The following MED13L variants were observed in gnomAD, a reference collection of about 807,000 sequenced individuals.
MED13L encodes the protein mediator of RNA polymerase II transcription subunit 13-like.
A neutral mutation model predicts 220.9 loss-of-function variants in MED13L; 7 were observed. The ratio of observed to expected loss-of-function variants is 0.03; its 90% CI spans 0.02 to 0.06. MED13L has a LOEUF of 0.06. Among genes scored for constraint, MED13L ranks in the 10% least tolerant of loss-of-function variants. The probability of loss-of-function intolerance (pLI) is 1.00; values close to 1 mark genes in which losing one functional copy is unlikely to be tolerated. For synonymous variants in MED13L, 1,011 were observed against 1,015.2 expected, an observed-to-expected ratio of 1.00 and a Z score of 0.08; for missense variants, 1,965 against 2,760.5, an observed-to-expected ratio of 0.71 and a Z score of 6.46.
intron 27 of MED13L, among the ~76,000 whole-genome samples, chr12:115,970,001 A>T (rs557007508): frequency 1.3e-5 from 2 of 152,296 alleles, no homozygotes; most frequent in African/African-American, 4.8e-5. Context: ...TTGTAATCAT[A>T]CCAGATATAA....
chr12:116,204,199 A>G (rs1593162273), intron 2 of MED13L, among the ~76,000 whole-genome samples: 1 of 152,188 alleles, frequency 6.6e-6, no homozygotes, highest in African/African-American at 2.4e-5. Flanking sequence ...TTTGAGAGAG[A>G]ACAAAATTCT....
intron 1 of MED13L, among the ~76,000 whole-genome samples, chr12:116,253,751 T>C (rs936747818): frequency 1.7e-4 from 25 of 145,008 alleles, no homozygotes; most frequent in Non-Finnish European, 2.8e-4. Flanking sequence ...ACGGTTTTTT[T>C]TGTTTTTTTT....
At position 115,987,221 on chromosome 12, in the gene MED13L, G is replaced by C. The variant is rs772069193; in HGVS notation, c.4002C>G (p.Leu1334=). 1.5e-5 allele frequency: 24 copies of C among 1,614,090 alleles called. No homozygotes were observed. Among genetic ancestry groups the C allele is most frequent in the Non-Finnish European group, 2.0e-5 (24 of 1,180,018 alleles). ...VRMLLSLQPF[L]QDAIQKKRTG... ...TGCGCTTCTTTTGGATGGCATCTTG[G>C]AGAAAGGGCTGCAGGGACAACAGCA... Residue 1334 remains leucine, a synonymous_variant, in exon 18 of 31, where the codon CTC becomes CTG. Transcript: ENST00000281928.
chr12:115,981,683 T>C (rs1156495052), intron 22 of MED13L, among the ~76,000 whole-genome samples: 2 of 152,200 alleles, frequency 1.3e-5, no homozygotes, highest in African/African-American at 4.8e-5. Context: ...GCTTTATTTA[T>C]AACAGTAAAG....
chr12:116,157,489 C>T (rs531468692), intron 2 of MED13L, among the ~76,000 whole-genome samples: 2 of 152,314 alleles, frequency 1.3e-5, no homozygotes, highest in Admixed American at 6.5e-5. Flanking sequence ...CAAGGATCTA[C>T]ACTTTATGCC....
rs572590916 is a variant in MED13L at position 115,980,795 on chromosome 12, T to A, written c.5319A>T (p.Gly1773=). The A allele has an allele frequency of 6.2e-7, 1 of 1,614,106 alleles. No individual in the cohort carries two copies. Among genetic ancestry groups the A allele is most frequent in the Non-Finnish European group, 8.5e-7 (1 of 1,180,028 alleles). Reference sequence around the variant, plus strand: ...TCTCAATGCTGGCTGCAGGCCCAAATCCCGTGAGGGATTTAATGTGGATCT... The same window carrying A: ...TCTCAATGCTGGCTGCAGGCCCAAAACCCGTGAGGGATTTAATGTGGATCT... ...PTQIHIKSLT[G]FGPAASIEMT... The change falls in exon 23 of 31, where the codon GGA becomes GGT. Residue 1773 remains glycine, a synonymous_variant. Transcript: ENST00000281928.
chr12:116,062,488 G>GTT lies in MED13L; in HGVS notation c.479+34179_479+34180dup, dbSNP rs56251325. Among the ~76,000 whole-genome samples the GTT allele has an allele frequency of 3.3e-3, 321 of 97,330 alleles. 5 individuals are homozygous for GTT. The highest frequency in any genetic ancestry group is 0.011 in the East Asian group (35 of 3,160). 63.9% of individuals were successfully genotyped at this position (97,330 alleles called of 152,430 possible). ...ATAGTGTCTCTCTCTCTCTCTCTGT[G>GTT]TTTTTTTTTTTTTTTTTTGAGATGG... On this transcript the variant is annotated intron_variant, in intron 4 of 30. Transcript: ENST00000281928.
At chr12:116,024,852 A>G (rs1440679598) in intron 4 of MED13L, among the ~76,000 whole-genome samples, 10 of 148,506 alleles carry the variant, frequency 6.7e-5, no homozygotes, top group Non-Finnish European at 1.0e-4. Context: ...TAGAAATCCA[A>G]TTTTCCCAGC....
rs771369206 is a variant in MED13L at position 116,015,176 on chromosome 12, G to A, written c.1108C>T (p.Pro370Ser). The change falls in exon 8 of 31, where the codon CCA becomes TCA. Residue 370 changes from proline to serine, a missense_variant. This residue lies in a region of MED13L where 818 missense variants were observed against 1,041.2 expected (regional missense o/e 0.79). Coordinates refer to ENST00000281928, the MANE Select transcript of MED13L (RefSeq NM_015335.5). ...HSPKRSGKIPPKLHNHMVHRV... is the reference protein window; with the variant it reads ...HSPKRSGKIPSKLHNHMVHRV... ...TGGACCATATGATTGTGGAGTTTTG[G>A]AGGAATCTTCCCCGATCTCTTTGGA... 5 of 1,613,800 alleles carry A rather than the reference G, an allele frequency of 3.1e-6. No homozygotes were observed. The South Asian group carries it at 5.5e-5, about 18-fold the overall frequency.
intron 29 of MED13L, among the ~76,000 whole-genome samples, chr12:115,963,737 T>A (rs1475630963): frequency 6.6e-6 from 1 of 152,198 alleles, no homozygotes; most frequent in Non-Finnish European, 1.5e-5. Flanking sequence ...GCAAACTTTT[T>A]GGGCTTTTTT....
chr12:115,968,746 T>C (rs1290393627), intron 28 of MED13L, among the ~76,000 whole-genome samples, 194 bp downstream of exon 28: 1 of 152,198 alleles, frequency 6.6e-6, no homozygotes, highest in Non-Finnish European at 1.5e-5. Flanking sequence ...TCAGAAATAA[T>C]AACATATTTA....
chr12:116,240,514 A>G (rs1870521510), intron 1 of MED13L, among the ~76,000 whole-genome samples: 1 of 151,858 alleles, frequency 6.6e-6, no homozygotes, highest in Admixed American at 6.6e-5. Flanking sequence ...AAATCCAAAA[A>G]GGTAAGCAGA....
chr12:116,171,181 T>C (rs1446497288), intron 2 of MED13L, among the ~76,000 whole-genome samples: 2 of 152,348 alleles, frequency 1.3e-5, no homozygotes, highest in East Asian at 1.9e-4. Context: ...CCCTTGATGG[T>C]TGCAGACCAT....
chr12:116,044,751 CTGTT>C (rs1333295953), intron 4 of MED13L, among the ~76,000 whole-genome samples: 3 of 152,202 alleles, frequency 2.0e-5, no homozygotes, highest in South Asian at 4.1e-4. Context: ...CCCAAGTCTT[CTGTT>C]TCTTTTTTAA....
In MED13L at chr12:116,019,734, G is replaced by A. The variant is rs376649530; in HGVS notation, c.820+44C>T. 3.2e-6 allele frequency: 5 copies of A among 1,550,116 alleles called. No individual in the cohort carries two copies. In the African/African-American group the frequency reaches 6.8e-5, roughly 21 times the overall value. ...ATGATTATCTTTTTAAATTAAGGAA[G>A]AGGAAGAAGAATAAAGTTCTTCAGG... is the stretch of plus-strand genomic sequence containing the variant. On this transcript the variant is annotated intron_variant, in intron 6 of 30. Transcript: ENST00000281928.
intron 2 of MED13L, among the ~76,000 whole-genome samples, chr12:116,194,939 G>C (rs1881525007): frequency 2.0e-5 from 3 of 152,142 alleles, no homozygotes; most frequent in Admixed American, 2.0e-4. Context: ...AAGGTATAGG[G>C]CTGCTAGGCT....
At chr12:116,205,580 CT>C (rs1882264620) in intron 2 of MED13L, among the ~76,000 whole-genome samples, 1 of 149,588 alleles carries the variant, frequency 6.7e-6, no homozygotes, top group Admixed American at 6.7e-5. Flanking sequence ...GAGCTAAGTC[CT>C]TTTCCTCCCT....
At position 116,037,589 on chromosome 12, in the gene MED13L, T is replaced by C. The variant is rs1432584980; in HGVS notation, c.480-14988A>G. On this transcript the variant is annotated intron_variant, in intron 4 of 30. Coordinates refer to ENST00000281928, the MANE Select transcript of MED13L (RefSeq NM_015335.5). ...GCCCCATGGTCGCTGTTTTCTACCC[T>C]TCTATCCTCAATTCTAAGTTGTTCT... 2.0e-5 allele frequency among the ~76,000 whole-genome samples: 3 copies of C among 152,094 alleles called. No homozygotes were observed. The East Asian group carries it at 5.8e-4, about 29-fold the overall frequency.
Position 115,961,079 on chromosome 12 carries a change from T to C in MED13L, c.*187A>G. The C allele has an allele frequency of 1.3e-6, 1 of 784,348 alleles. No individual in the cohort carries two copies. Among genetic ancestry groups the C allele is most frequent in the Non-Finnish European group, 2.1e-6 (1 of 481,578 alleles). 48.6% of individuals were successfully genotyped at this position (784,348 alleles called of 1,614,324 possible). ...AGTTTCCAGGTCCATGAGAGAAGTG[T>C]CAAGGAGTCACTCTGGTAATGAACA... On this transcript the variant is annotated 3_prime_UTR_variant, in exon 31 of 31. Coordinates refer to ENST00000281928, the MANE Select transcript of MED13L (RefSeq NM_015335.5).
Sources: allele counts gnomAD v4.1 joint callset (sites outside exome capture counted in the v4.1 genomes callset), GRCh38; gene constraint gnomAD v4.1.1; regional missense constraint gnomAD v4.1.1; transcripts MANE v1.5; gene names NCBI Gene and HGNC (gene_info 2026-07-23, HGNC 2026-07-21).